CIT: variants seen among roughly 807,000 people sequenced by gnomAD.
CIT encodes citron rho-interacting serine/threonine kinase.
CIT carries 79 observed loss-of-function variants against 272.7 expected under a neutral mutation model. The observed-to-expected ratio is 0.29, with a 90% CI of 0.24 to 0.35. CIT has a LOEUF of 0.35. Ranked by LOEUF, CIT falls within the 10% of genes least tolerant of loss-of-function variation. CIT has a pLI of 1.00. For missense variants in CIT, 1,909 were observed against 2,618.3 expected (o/e 0.73, Z 5.91); for synonymous variants, 948 against 995.6 (o/e 0.95, Z 0.90).
intron 26 of CIT, among the ~76,000 whole-genome samples, chr12:119,733,529 C>CAA (rs113216303): frequency 1.6e-4 from 17 of 103,860 alleles, no homozygotes; most frequent in South Asian, 7.3e-4. Flanking sequence ...GACTCTGTCA[C>CAA]AAAAAAAAAA....
At chr12:119,834,771 A>G (rs2138135028) in intron 5 of CIT, among the ~76,000 whole-genome samples, 1 of 152,354 alleles carries the variant, frequency 6.6e-6, no homozygotes, top group South Asian at 2.1e-4. Flanking sequence ...AGGTACTTAC[A>G]ATAGTTTGCA....
intron 12 of CIT, chr12:119,783,324 A>AATTGAATTGAATT (rs1566037513): frequency 6.6e-6 from 1 of 152,292 alleles, no homozygotes; most frequent in Non-Finnish European, 1.5e-5. Context: ...ACTTCTTGAG[A>AATTGAATTGAATT]CTGTTTAATT....
chr12:119,757,955 G>C (rs1360048596), intron 21 of CIT, among the ~76,000 whole-genome samples: 1 of 152,146 alleles, frequency 6.6e-6, no homozygotes, highest in Admixed American at 6.5e-5. Context: ...AGAAAGAATG[G>C]TATTCCTTCT....
intron 25 of CIT, 111 bp from the exon 26 acceptor site, chr12:119,734,468 A>G: frequency 8.4e-7 from 1 of 1,185,718 alleles, no homozygotes; most frequent in Non-Finnish European, 1.2e-6. Flanking sequence ...ACAGTTTGAA[A>G]TGCGGTTTGT....
At chr12:119,821,385 C>T (rs1967707003) in intron 9 of CIT, among the ~76,000 whole-genome samples, 1 of 151,946 alleles carries the variant, frequency 6.6e-6, no homozygotes, top group African/African-American at 2.4e-5. Flanking sequence ...ATATATTATG[C>T]CTAATTTATA....
At chr12:119,759,895 C>A (rs557931234) in intron 20 of CIT, among the ~76,000 whole-genome samples, 1 of 151,948 alleles carries the variant, frequency 6.6e-6, no homozygotes. Context: ...CCTCAGAGAT[C>A]CTGATGTGGG....
intron 20 of CIT, among the ~76,000 whole-genome samples, chr12:119,760,643 G>C (rs1961662213): frequency 6.6e-6 from 1 of 151,026 alleles, no homozygotes; most frequent in African/African-American, 2.4e-5. Flanking sequence ...AAAAAAAAGA[G>C]CAGGAAGACC....
Position 119,768,675 on chromosome 12 carries a change from T to C in CIT, c.2209-1493A>G, listed in dbSNP as rs1260442761. Among the ~76,000 whole-genome samples, 4 of 152,142 alleles carry C rather than the reference T, an allele frequency of 2.6e-5. No individual in the cohort carries two copies. Among genetic ancestry groups the C allele is most frequent in the East Asian group, 1.9e-4 (1 of 5,194 alleles). The stretch of plus-strand genomic sequence containing the variant: ...ATTCAATAGATGTGATCTTGAAGAG[T>C]TGAAAATAAACAGGATTAATAAAAA... On this transcript the variant is annotated intron_variant, in intron 18 of 47. Transcript: ENST00000392521. This position sits in a 1 kb window ranked among gnomAD's most constrained non-coding sequence, Gnocchi z 4.3.
intron 19 of CIT, among the ~76,000 whole-genome samples, chr12:119,764,066 C>T (rs1566007640): frequency 6.6e-6 from 1 of 152,166 alleles, no homozygotes; most frequent in Non-Finnish European, 1.5e-5. Context: ...AACAAATTAA[C>T]TTAAGTTTCA....
intron 23 of CIT, among the ~76,000 whole-genome samples, chr12:119,743,763 TG>T (rs1175454237): frequency 1.3e-5 from 2 of 152,194 alleles, no homozygotes; most frequent in Non-Finnish European, 2.9e-5. Flanking sequence ...TGATTTCAGA[TG>T]CCTTAGAAAC....
intron 10 of CIT, among the ~76,000 whole-genome samples, chr12:119,795,617 G>A (rs1463224270): frequency 6.6e-6 from 1 of 152,074 alleles, no homozygotes; most frequent in Non-Finnish European, 1.5e-5. Flanking sequence ...TATTAGACAA[G>A]TCCATAACTC....
intron 5 of CIT, among the ~76,000 whole-genome samples, chr12:119,848,477 G>C (rs1056641228): frequency 6.6e-6 from 1 of 152,122 alleles, no homozygotes; most frequent in African/African-American, 2.4e-5. Context: ...GGATACACTT[G>C]TTAAATTTAG....
intron 13 of CIT, among the ~76,000 whole-genome samples, chr12:119,779,605 C>T (rs1338691512): frequency 6.6e-6 from 1 of 152,172 alleles, no homozygotes; most frequent in Non-Finnish European, 1.5e-5. Context: ...ATCTTTTGTC[C>T]TCAAGCTCAC....
intron 4 of CIT, among the ~76,000 whole-genome samples, chr12:119,852,551 TA>T (rs1015123319): frequency 6.6e-6 from 1 of 151,086 alleles, no homozygotes; most frequent in African/African-American, 2.4e-5. Flanking sequence ...TCGTCTCTAC[TA>T]AAAAAAATAC....
At chr12:119,800,682 G>T (rs1042810793) in intron 10 of CIT, among the ~76,000 whole-genome samples, 2 of 152,178 alleles carry the variant, frequency 1.3e-5, no homozygotes, top group Non-Finnish European at 2.9e-5. Flanking sequence ...AAAAACCTGT[G>T]ATGCTGAAAA....
intron 16 of CIT, 31 bp downstream of exon 16, chr12:119,775,755 G>C (rs764491757): frequency 5.6e-5 from 89 of 1,576,204 alleles, no homozygotes; most frequent in Admixed American, 2.5e-4. Flanking sequence ...GTGGTGGGGG[G>C]TAAGTTCCTG....
In CIT at chr12:119,690,333, G is replaced by C; in HGVS notation, c.6004C>G (p.Arg2002Gly). The change falls in exon 47 of 48, where the codon CGC (arginine) becomes GGC (glycine). Residue 2002 changes from arginine (R) to glycine (G), a missense_variant. This residue lies in a region of CIT where 780 missense variants were observed against 1,067.2 expected (regional missense o/e 0.73). Coordinates refer to ENST00000392521, the MANE Select transcript of CIT (RefSeq NM_001206999.2). This position sits in a 1 kb window ranked among gnomAD's most constrained non-coding sequence, Gnocchi z 6.0. ...PREPSTPHRY[R>G]EGRTELRRDK... ...CTGCGCAGCTCGGTCCGCCCCTCGCGGTAGCGGTGGGGTGTGCTTGGCTCT... is the reference window on the plus strand; with the variant it reads ...CTGCGCAGCTCGGTCCGCCCCTCGCCGTAGCGGTGGGGTGTGCTTGGCTCT... The C allele has an allele frequency of 1.3e-6, 2 of 1,596,942 alleles. No homozygotes were observed. Among genetic ancestry groups the C allele is most frequent in the Non-Finnish European group, 1.7e-6 (2 of 1,178,200 alleles).
chr12:119,869,078 T>C lies in CIT; in HGVS notation c.220A>G (p.Ser74Gly). Residue 74 changes from serine to glycine, a missense_variant, in exon 3 of 48, where the codon AGC becomes GGC. By Grantham distance (56) the Ser-to-Gly change is moderately conservative (BLOSUM62 0). Around this residue, in one of 8 missense-constraint regions of CIT, gnomAD observed 529 missense variants for 549.6 expected, o/e 0.96. Coordinates refer to ENST00000392521, the MANE Select transcript of CIT (RefSeq NM_001206999.2). ...QPALMKIKHV[S>G]NFVRKYSDTI... is the part of the protein sequence containing the mutation. The stretch of plus-strand genomic sequence containing the variant: ...AACTTACACTTCCGGACAAAGTTGC[T>C]CACGTGCTTAATCTTCATCAGAGCA... 1 of 1,611,434 alleles carries C rather than the reference T, an allele frequency of 6.2e-7. No individual in the cohort carries two copies. The highest frequency in any genetic ancestry group is 8.5e-7 in the Non-Finnish European group (1 of 1,179,556).
intron 7 of CIT, among the ~76,000 whole-genome samples, chr12:119,826,755 G>A (rs1054804981): frequency 1.3e-5 from 2 of 152,190 alleles, no homozygotes; most frequent in Admixed American, 6.5e-5. Context: ...CTCATTAAAC[G>A]ATGGTAAGTG....
Sources: gnomAD v4.1 joint callset for allele counts (sites outside exome capture counted in the v4.1 genomes callset) on GRCh38, gnomAD v4.1.1 for gene constraint, gnomAD v4.1.1 regional missense constraint, Gnocchi (gnomAD v3.1) non-coding constraint, MANE v1.5 for transcripts, NCBI Gene and HGNC (gene_info 2026-07-23, HGNC 2026-07-21) for gene names.